Variants in FANCA observed in about 807,000 individuals in gnomAD.
The protein encoded by FANCA is FA complementation group A, also known as Fanconi anemia group A protein.
A neutral mutation model predicts 194.3 loss-of-function variants in FANCA; 236 were observed. The ratio of observed to expected loss-of-function variants is 1.21; its 90% CI spans 1.09 to 1.35. The LOEUF (loss-of-function observed/expected upper bound fraction) is 1.35, where lower values mean the gene tolerates loss of function less well. Among genes scored for constraint, FANCA ranks in the 40% most tolerant of loss-of-function variants. The pLI is 0.00. For missense variants in FANCA, 2,628 were observed against 1,813.9 expected, an observed-to-expected ratio of 1.45 and a Z score of -8.15; for synonymous variants, 1,014 against 715.8, an observed-to-expected ratio of 1.42 and a Z score of -6.65.
chr16:89,754,376 G>GT (rs887364930), intron 30 of FANCA, among the ~76,000 whole-genome samples: 5 of 152,102 alleles, frequency 3.3e-5, no homozygotes, highest in East Asian at 1.9e-4. Context: ...TCTTTCTTTT[G>GT]TTTTTTTGTT....
rs1405317971 is a variant in FANCA at position 89,749,826 on chromosome 16, A to AG, written c.3142dup (p.Leu1048ProfsTer3). ...GAGCCGTCTGCGGAAAATCTCAAAG[A>AG]GGAAGTGCTCCTGGGAAGGGGTGTG... is the stretch of plus-strand genomic sequence containing the variant. On this transcript the variant is annotated frameshift_variant, in exon 32 of 43. Transcript: ENST00000389301. LOFTEE classifies it high-confidence loss of function. The AG allele has an allele frequency of 6.2e-7, 1 of 1,614,062 alleles. No individual in the cohort carries two copies. The highest frequency in any genetic ancestry group is 8.5e-7 in the Non-Finnish European group (1 of 1,180,026).
intron 33 of FANCA, 68 bp from the exon 34 acceptor site, chr16:89,746,958 G>A: frequency 2.2e-6 from 3 of 1,388,636 alleles, no homozygotes; most frequent in Non-Finnish European, 1.0e-6. Context: ...ATGCAGAGTG[G>A]CTGCTGTGGA....
At chr16:89,807,842 C>G (rs1270429633) in intron 6 of FANCA, among the ~76,000 whole-genome samples, 2 of 152,018 alleles carry the variant, frequency 1.3e-5, no homozygotes, top group African/African-American at 4.8e-5. Flanking sequence ...GACATCACGT[C>G]ACTGCACTCC....
At chr16:89,791,330 G>A (rs910278848) in intron 14 of FANCA, 73 bp downstream of exon 14, 1 of 1,572,260 alleles carries the variant, frequency 6.4e-7, no homozygotes, top group African/African-American at 1.4e-5. Context: ...AATCAGGTGG[G>A]GACAGCATGG....
At chr16:89,785,243 G>C (rs1350549133) in intron 14 of FANCA, among the ~76,000 whole-genome samples, 1 of 152,228 alleles carries the variant, frequency 6.6e-6, no homozygotes, top group Non-Finnish European at 1.5e-5. Context: ...TTTGACTGAA[G>C]AGATATCTAA....
rs587778315 is a variant in FANCA, at chr16:89,764,962, G to C, written c.2706C>G (p.Asp902Glu). 75 of 1,614,238 alleles carry C rather than the reference G, an allele frequency of 4.6e-5. 1 individual carries two copies. The Middle Eastern group carries it at 1.6e-3, about 36-fold the overall frequency. The change falls in exon 28 of 43, where the codon GAC becomes GAG. Residue 902 changes from aspartate to glutamate, a missense_variant. By Grantham distance (45) the Asp-to-Glu change is conservative. Transcript: ENST00000389301. ...AGAGAGAGAGGGCAGCTCTCTGCCAGTCTGCAGAAGGAAGGTGCAAGGGTC... is the reference window on the plus strand; with the variant it reads ...AGAGAGAGAGGGCAGCTCTCTGCCACTCTGCAGAAGGAAGGTGCAAGGGTC... ...SWRPLHLPSA[D>E]WQRAALSLWT...
At chr16:89,790,388 C>G (rs565771279) in intron 14 of FANCA, among the ~76,000 whole-genome samples, 1 of 146,660 alleles carries the variant, frequency 6.8e-6, no homozygotes, top group African/African-American at 2.6e-5. Context: ...AATGAGACTC[C>G]ACCTCAAAAA....
At chr16:89,766,772 G>C (rs2039143341) in intron 27 of FANCA, among the ~76,000 whole-genome samples, 2 of 151,936 alleles carry the variant, frequency 1.3e-5, no homozygotes, top group African/African-American at 4.8e-5. Flanking sequence ...CTAGATGAGA[G>C]GAATAAGAAT....
chr16:89,783,421 G>A (rs539564845), intron 15 of FANCA, among the ~76,000 whole-genome samples: 6 of 151,938 alleles, frequency 3.9e-5, no homozygotes, highest in Admixed American at 2.6e-4. Context: ...CGCGGTGGTG[G>A]GCACCAGTAG....
chr16:89,805,543 C>T (rs1444686181), intron 6 of FANCA, 151 bp from the exon 7 acceptor site: 21 of 653,382 alleles, frequency 3.2e-5, no homozygotes, highest in African/African-American at 7.2e-5. Context: ...ACTGCACCCT[C>T]GACCTCCCAG....
In FANCA at chr16:89,770,248, C is replaced by CA. The variant is rs2039278551; in HGVS notation, c.2233dup (p.Trp745LeufsTer49). The CA allele has an allele frequency of 1.3e-6, 2 of 1,578,582 alleles. No homozygotes were observed. Among genetic ancestry groups the CA allele is most frequent in the Non-Finnish European group, 8.6e-7 (1 of 1,162,276 alleles). On this transcript the variant is annotated frameshift_variant, in exon 25 of 43. Coordinates refer to ENST00000389301, the MANE Select transcript of FANCA (RefSeq NM_000135.4). LOFTEE classifies it high-confidence loss of function. The stretch of plus-strand genomic sequence containing the variant: ...CATGGTCCTCACGAAGAGGGCAGCC[C>CA]AGGGACCCTGCCTGCAGAGACAGCC...
intron 15 of FANCA, among the ~76,000 whole-genome samples, chr16:89,784,122 T>C (rs2039815040): frequency 6.6e-6 from 1 of 151,866 alleles, no homozygotes; most frequent in Admixed American, 6.6e-5. Flanking sequence ...TCCCAGAACT[T>C]TGGGAGGCCA....
chr16:89,743,070 A>G (rs1438061897), intron 36 of FANCA, 132 bp from the exon 37 acceptor site: 6 of 1,034,212 alleles, frequency 5.8e-6, no homozygotes, highest in Non-Finnish European at 8.3e-6. Context: ...GGGTTTCAGG[A>G]CCATCAGAAA....
Position 89,776,766 on chromosome 16 carries a change from G to A in FANCA, c.1827-951C>T, listed in dbSNP as rs767977492. Among the ~76,000 whole-genome samples, 4 of 152,042 alleles carry A rather than the reference G, an allele frequency of 2.6e-5. No homozygotes were observed. In the South Asian group the frequency reaches 8.3e-4, roughly 32 times the overall value. Reference sequence around the variant, plus strand: ...GAATGGCATGAACCCAGAAGGTGGAGCTTGCAGTGAGCCGAGATTGCGCCA... The same window carrying A: ...GAATGGCATGAACCCAGAAGGTGGAACTTGCAGTGAGCCGAGATTGCGCCA... On this transcript the variant is annotated intron_variant, in intron 20 of 42. Transcript: ENST00000389301.
rs566927763 is a variant in FANCA at position 89,738,941 on chromosome 16, G to A, written c.4201C>T (p.Leu1401Phe). Residue 1401 changes from leucine (L) to phenylalanine (F), a missense_variant, in exon 42 of 43, where the codon CTT becomes TTT. Transcript: ENST00000389301. ...CGAGGTATTAACTGCAGCAGAAAAA[G>A]ACGAGCTTTTGTTATCAGTTCCACG... ...NPVELITKAR[L>F]FLLQLIPRCP... The A allele has an allele frequency of 6.2e-7, 1 of 1,614,250 alleles. No individual in the cohort carries two copies. The highest frequency in any genetic ancestry group is 8.5e-7 in the Non-Finnish European group (1 of 1,180,050).
intron 23 of FANCA, among the ~76,000 whole-genome samples, chr16:89,771,295 C>CA (rs1008582497): frequency 1.3e-5 from 2 of 151,852 alleles, no homozygotes; most frequent in African/African-American, 2.4e-5. Flanking sequence ...CCCAACTGTA[C>CA]AAAAAATGCA....
At chr16:89,756,395 G>C (rs1056760725) in intron 30 of FANCA, among the ~76,000 whole-genome samples, 2 of 152,138 alleles carry the variant, frequency 1.3e-5, no homozygotes, top group Non-Finnish European at 2.9e-5. Context: ...TTGGGAGGCC[G>C]AGGCGGGCAG....
At chr16:89,779,739 G>A (rs1276862090) in intron 18 of FANCA, 130 bp downstream of exon 18, 15 of 789,896 alleles carry the variant, frequency 1.9e-5, no homozygotes, top group East Asian at 2.6e-5. Context: ...AGCCCCAGAC[G>A]CTGGCAGGCA....
At chr16:89,756,242 A>C (rs2038763524) in intron 30 of FANCA, among the ~76,000 whole-genome samples, 1 of 152,248 alleles carries the variant, frequency 6.6e-6, no homozygotes, top group Non-Finnish European at 1.5e-5. Context: ...AAAATGGCCA[A>C]TAAGAAAATG....
Sources: allele counts gnomAD v4.1 joint callset (sites outside exome capture counted in the v4.1 genomes callset), GRCh38; gene constraint gnomAD v4.1.1; transcripts MANE v1.5; gene names NCBI Gene and HGNC (gene_info 2026-07-23, HGNC 2026-07-21).